Variants in CDH22 observed in about 807,000 individuals in gnomAD.
CDH22 encodes cadherin 22.
CDH22 carries 30 observed loss-of-function variants against 58.4 expected under a neutral mutation model. The ratio of observed to expected loss-of-function variants is 0.51; its 90% CI spans 0.38 to 0.70. The LOEUF is 0.70. Ranked by LOEUF, CDH22 falls within the 30% of genes least tolerant of loss-of-function variation. CDH22 has a pLI of 0.00. For synonymous variants in CDH22, 513 were observed against 558.2 expected (o/e 0.92, Z 1.14); for missense variants, 1,014 against 1,233.9 (o/e 0.82, Z 2.67).
Position 46,251,308 on chromosome 20 carries a change from G to A in CDH22, c.-14C>T, listed in dbSNP as rs1200240565. ...CCTCGGCCTCATCCTTGGCCTGCGC[G>A]GGGCTGGGGCCCAGGAGCATGGACG... On this transcript the variant is annotated 5_prime_UTR_variant, in exon 2 of 12. Coordinates refer to ENST00000537909, the MANE Select transcript of CDH22 (RefSeq NM_021248.3). This position sits in a 1 kb window ranked among gnomAD's most constrained non-coding sequence, Gnocchi z 6.7. 12 of 1,440,332 alleles carry A rather than the reference G, an allele frequency of 8.3e-6. No individual in the cohort carries two copies. The East Asian group carries it at 3.4e-4, about 40-fold the overall frequency. 89.2% of individuals were successfully genotyped at this position (1,440,332 alleles called of 1,614,324 possible). A position where few individuals can be genotyped will look rare whatever the true frequency, so the allele number is the denominator to read the frequency against.
Position 46,174,396 on chromosome 20 carries a change from G to A in CDH22, c.*110C>T. The A allele has an allele frequency of 1.4e-6, 1 of 727,032 alleles. No individual in the cohort carries two copies. The highest frequency in any genetic ancestry group is 2.1e-6 in the Non-Finnish European group (1 of 479,354). The allele number at this position is 727,032 out of a possible 1,614,324, so 45.0% of individuals were successfully genotyped here. Reference sequence around the variant, plus strand: ...TCCCCCCTCCGTCCAGCCGCCAAGGGAGGGTTGGGGGAGGGCAGGAAAGGG... The same window carrying A: ...TCCCCCCTCCGTCCAGCCGCCAAGGAAGGGTTGGGGGAGGGCAGGAAAGGG... On this transcript the variant is annotated 3_prime_UTR_variant, in exon 12 of 12. Transcript: ENST00000537909. This position sits in a 1 kb window ranked among gnomAD's most constrained non-coding sequence, Gnocchi z 4.4.
intron 4 of CDH22, among the ~76,000 whole-genome samples, chr20:46,224,907 C>G (rs978324424): frequency 6.6e-6 from 1 of 152,214 alleles, no homozygotes; most frequent in Non-Finnish European, 1.5e-5. Flanking sequence ...CAAGAAAGGG[C>G]GCAGGCTTTT....
intron 10 of CDH22, among the ~76,000 whole-genome samples, chr20:46,185,431 G>C (rs1313804915): frequency 2.0e-5 from 3 of 152,132 alleles, no homozygotes; most frequent in Admixed American, 2.0e-4. Flanking sequence ...GGATGGGGTT[G>C]GGTTGAATCC....
At chr20:46,304,940 G>A (rs1330928059) in intron 1 of CDH22, among the ~76,000 whole-genome samples, 1 of 152,168 alleles carries the variant, frequency 6.6e-6, no homozygotes, top group Non-Finnish European at 1.5e-5. Flanking sequence ...GCCTGTCTTT[G>A]GGGCACCTGA....
chr20:46,297,294 C>T (rs1291159695), intron 1 of CDH22, among the ~76,000 whole-genome samples: 1 of 151,942 alleles, frequency 6.6e-6, no homozygotes, highest in Non-Finnish European at 1.5e-5. Flanking sequence ...GTCTTCAGTT[C>T]AGGGGACAGA....
At chr20:46,217,975 G>A (rs2086098061) in intron 4 of CDH22, among the ~76,000 whole-genome samples, 1 of 150,414 alleles carries the variant, frequency 6.6e-6, no homozygotes, top group South Asian at 2.1e-4. Flanking sequence ...TGCCCAGGCT[G>A]GAGTGCAGTG....
Position 46,286,072 on chromosome 20 carries a change from G to C in CDH22, c.-400+22183C>G, listed in dbSNP as rs1453866389. 2.0e-5 allele frequency among the ~76,000 whole-genome samples: 3 copies of C among 152,212 alleles called. No individual in the cohort carries two copies. In the South Asian group the frequency reaches 6.2e-4, roughly 32 times the overall value. ...ATGCTTCTCCTTCCTGGAGAGGGCT[G>C]GCAGGTGGTGGGGAGAGTTTTTCTA... On this transcript the variant is annotated intron_variant, in intron 1 of 11. Coordinates refer to ENST00000537909, the MANE Select transcript of CDH22 (RefSeq NM_021248.3).
chr20:46,196,433 C>T (rs2085903210), intron 8 of CDH22, among the ~76,000 whole-genome samples: 1 of 152,134 alleles, frequency 6.6e-6, no homozygotes, highest in Non-Finnish European at 1.5e-5. Flanking sequence ...GCCACCATGC[C>T]CAGTTAATTT....
At chr20:46,227,937 G>C (rs527761297) in intron 3 of CDH22, among the ~76,000 whole-genome samples, 349 of 150,718 alleles carry the variant, frequency 2.3e-3, no homozygotes, top group Non-Finnish European at 3.3e-3. Context: ...CTTCAGCAAA[G>C]TGAGGCAAAT....
rs1445256230 is a variant in CDH22, at chr20:46,216,580, G to A, written c.838+246C>T. Among the ~76,000 whole-genome samples the A allele has an allele frequency of 6.6e-6, 1 of 152,162 alleles. No homozygotes were observed. Among genetic ancestry groups the A allele is most frequent in the Non-Finnish European group, 1.5e-5 (1 of 68,030 alleles). On this transcript the variant is annotated intron_variant, in intron 5 of 11. Transcript: ENST00000537909. This position sits in a 1 kb window ranked among gnomAD's most constrained non-coding sequence, Gnocchi z 5.3. ...CGGAAGCAAGAGGAGGTCTGGGAAG[G>A]TGATGGTGTGTTACTTGGCTCTGTG...
chr20:46,269,345 T>C (rs916876894), intron 1 of CDH22, among the ~76,000 whole-genome samples: 3 of 152,208 alleles, frequency 2.0e-5, no homozygotes, highest in Non-Finnish European at 4.4e-5. Context: ...AGAGAGGGGA[T>C]GCACTTCTCT....
intron 7 of CDH22, among the ~76,000 whole-genome samples, chr20:46,206,786 C>T (rs1009389244): frequency 6.6e-6 from 1 of 152,238 alleles, no homozygotes; most frequent in African/African-American, 2.4e-5. Flanking sequence ...AGAAGGCAAA[C>T]TCCACGTGGG....
chr20:46,290,424 T>A (rs1236253762), intron 1 of CDH22, among the ~76,000 whole-genome samples: 2 of 152,208 alleles, frequency 1.3e-5, no homozygotes. Context: ...GGGACAGCCC[T>A]CCACGACAAA....
intron 1 of CDH22, among the ~76,000 whole-genome samples, chr20:46,288,804 C>T (rs1244165451): frequency 6.6e-6 from 1 of 152,202 alleles, no homozygotes; most frequent in East Asian, 1.9e-4. Flanking sequence ...TCTGGCCGAT[C>T]TTGCCACCTT....
chr20:46,177,853 A>G (rs1681897550), intron 11 of CDH22, 93 bp downstream of exon 11: 3 of 1,474,874 alleles, frequency 2.0e-6, no homozygotes, highest in African/African-American at 1.4e-5. Flanking sequence ...TGGAGAGGGA[A>G]GCTGAGGCCC....
intron 3 of CDH22, among the ~76,000 whole-genome samples, chr20:46,229,965 C>A (rs909009687): frequency 6.6e-6 from 1 of 152,124 alleles, no homozygotes; most frequent in Non-Finnish European, 1.5e-5. Flanking sequence ...GATGATGGAA[C>A]CATTTCCCCA....
At chr20:46,181,427 C>T (rs565474838) in intron 10 of CDH22, among the ~76,000 whole-genome samples, 2 of 152,228 alleles carry the variant, frequency 1.3e-5, no homozygotes, top group East Asian at 3.9e-4. Flanking sequence ...GCATAACACA[C>T]TCAGGGACCC....
Position 46,186,944 on chromosome 20 carries a change from T to C in CDH22, c.1427A>G (p.Asn476Ser), listed in dbSNP as rs749390571. Residue 476 changes from asparagine (N) to serine (S), a missense_variant, in exon 9 of 12, where the codon AAT becomes AGT. By Grantham distance (46) the Asn-to-Ser change is conservative (BLOSUM62 1). Coordinates refer to ENST00000537909, the MANE Select transcript of CDH22 (RefSeq NM_021248.3). ...GGATGCCCGGGATAGCTGTGCATGA[T>C]TGTCTGTAATGAGAGCACAGGAGCA... ...NITVLAMEAD[N>S]HAQLSRASLR... 2.6e-5 allele frequency: 41 copies of C among 1,591,010 alleles called. No homozygotes were observed. The highest frequency in any genetic ancestry group is 3.4e-5 in the Non-Finnish European group (40 of 1,168,940).
chr20:46,217,976 G>T (rs1340116768), intron 4 of CDH22, among the ~76,000 whole-genome samples: 1 of 151,480 alleles, frequency 6.6e-6, no homozygotes, highest in Non-Finnish European at 1.5e-5. Flanking sequence ...GCCCAGGCTG[G>T]AGTGCAGTGG....
Sources: allele counts gnomAD v4.1 joint callset (sites outside exome capture counted in the v4.1 genomes callset), GRCh38; gene constraint gnomAD v4.1.1; non-coding constraint Gnocchi (gnomAD v3.1); transcripts MANE v1.5; gene names NCBI Gene and HGNC (gene_info 2026-07-23, HGNC 2026-07-21).